NFIC: variants seen among roughly 807,000 people sequenced by gnomAD.
NFIC encodes the protein nuclear factor I C, also known as nuclear factor 1 C-type.
Under a neutral mutation model 54.4 loss-of-function variants are expected in NFIC, and 12 were observed. That is an observed-to-expected ratio of 0.22 (90% confidence interval 0.14 to 0.36). The LOEUF is 0.36. NFIC is among the 10% of genes least tolerant of loss of function. The probability of loss-of-function intolerance (pLI) is 1.00; values close to 1 mark genes in which losing one functional copy is unlikely to be tolerated. For synonymous variants in NFIC, 322 were observed against 319.2 expected (o/e 1.01, Z -0.09); for missense variants, 575 against 718.2 (o/e 0.80, Z 2.28).
chr19:3,460,209 G>A (rs866698497), intron 10 of NFIC, among the ~76,000 whole-genome samples: 1 of 152,188 alleles, frequency 6.6e-6, no homozygotes, highest in African/African-American at 2.4e-5. Context: ...GGGGCCATCC[G>A]GGGGACCTGT....
upstream of NFIC, among the ~76,000 whole-genome samples, chr19:3,362,992 G>C (rs1356615099): frequency 6.6e-6 from 1 of 151,964 alleles, no homozygotes; most frequent in Non-Finnish European, 1.5e-5. Context: ...GAAGCCATTA[G>C]TGATCATATG....
At chr19:3,435,054 C>T in intron 5 of NFIC, 29 bp from the exon 6 acceptor site, 4 of 1,552,658 alleles carry the variant, frequency 2.6e-6, no homozygotes, top group Non-Finnish European at 3.5e-6. Flanking sequence ...TCCCTGGTAA[C>T]CAGCCTCTCC....
chr19:3,433,671 C>A, intron 4 of NFIC, 79 bp downstream of exon 4: 1 of 1,463,768 alleles, frequency 6.8e-7, no homozygotes, highest in Non-Finnish European at 9.4e-7. Context: ...ACCCCCCTCA[C>A]CCTACTCCTT....
At position 3,464,617 on chromosome 19, in the gene NFIC, C is replaced by T. The variant is rs983634889; in HGVS notation, c.*1848C>T. On this transcript the variant is annotated 3_prime_UTR_variant, in exon 11 of 11. Transcript: ENST00000443272. ...CCCCCGACCCAGGCCAAAGCCAGGGCAGGTCTCCGGGTCTCACCTGCTCCT... is the reference window on the plus strand; with the variant it reads ...CCCCCGACCCAGGCCAAAGCCAGGGTAGGTCTCCGGGTCTCACCTGCTCCT... The T allele has an allele frequency of 2.1e-6, 2 of 968,630 alleles. No homozygotes were observed. The highest frequency in any genetic ancestry group is 2.4e-6 in the Non-Finnish European group (2 of 817,038). 60.0% of individuals were successfully genotyped at this position (968,630 alleles called of 1,614,324 possible).
At chr19:3,394,690 A>T (rs73522147) in intron 2 of NFIC, among the ~76,000 whole-genome samples, 5,202 of 151,670 alleles carry the variant, frequency 0.034, 292 homozygotes, top group African/African-American at 0.12. Context: ...CGTGCCTGGG[A>T]GGAACCTGGC....
chr19:3,409,118 T>C (rs1340619915), intron 2 of NFIC, among the ~76,000 whole-genome samples: 1 of 152,116 alleles, frequency 6.6e-6, no homozygotes, highest in Non-Finnish European at 1.5e-5. Context: ...GGCCTCTCAC[T>C]GCAACACACA....
At chr19:3,440,821 T>A (rs2082283152) in intron 6 of NFIC, among the ~76,000 whole-genome samples, 1 of 152,098 alleles carries the variant, frequency 6.6e-6, no homozygotes, top group Non-Finnish European at 1.5e-5. Flanking sequence ...GCGCCTGGCC[T>A]TTTTTGTTTT....
In NFIC at chr19:3,434,383, C is replaced by T; in HGVS notation, c.816C>T (p.Pro272=). 1 of 1,609,404 alleles carries T rather than the reference C, an allele frequency of 6.2e-7. No individual in the cohort carries two copies. ...GCACTGGCCTCAGAAGAACGCTGCC[C>T]AGCACCTCCTCCAGTGGGTAAGTAC... ...PASTGLRRTL[P]STSSSGSKRH... The change falls in exon 5 of 11, where the codon CCC becomes CCT. Residue 272 remains proline, a synonymous_variant. Transcript: ENST00000443272.
rs751084817 is a variant in NFIC at position 3,366,683 on chromosome 19, GC to G, written c.30+23del. The G allele has an allele frequency of 1.3e-5, 18 of 1,393,718 alleles. No homozygotes were observed. The highest frequency in any genetic ancestry group is 3.4e-5 in the South Asian group (2 of 58,500). The allele number at this position is 1,393,718 out of a possible 1,614,324, so 86.3% of individuals were successfully genotyped here. A position where few individuals can be genotyped will look rare whatever the true frequency, so the allele number is the denominator to read the frequency against. ...CTCACCCAGGTACGGTCCTCGCCCG[GC>G]CCCCCGCCGGCGCCCCCGCGCCCCC... On this transcript the variant is annotated intron_variant, in intron 1 of 10. Coordinates refer to ENST00000443272, the MANE Select transcript of NFIC (RefSeq NM_001245002.2).
rs1421160191 is a variant in NFIC at position 3,467,783 on chromosome 19, A to ATATATATATATATATATATATG, written c.*5020_*5021insTATATATATATATATGTATATA. On this transcript the variant is annotated 3_prime_UTR_variant, in exon 11 of 11. Coordinates refer to ENST00000443272, the MANE Select transcript of NFIC (RefSeq NM_001245002.2). Reference sequence around the variant, plus strand: ...CATATATATATATATATATATATATATATATAATTTTGGAATTTGTTTCTC... The same window carrying ATATATATATATATATATATATG: ...CATATATATATATATATATATATATATATATATATATATATATATATGTATATAATTTTGGAATTTGTTTCTC... 1 of 138,038 alleles carries ATATATATATATATATATATATG rather than the reference A, an allele frequency of 7.2e-6. No individual in the cohort carries two copies. The highest frequency in any genetic ancestry group is 2.8e-5 in the African/African-American group (1 of 35,424). 8.6% of individuals were successfully genotyped at this position (138,038 alleles called of 1,614,324 possible). A position where few individuals can be genotyped will look rare whatever the true frequency, so the allele number is the denominator to read the frequency against.
At chr19:3,413,121 G>T (rs941722393) in intron 2 of NFIC, among the ~76,000 whole-genome samples, 2 of 152,232 alleles carry the variant, frequency 1.3e-5, no homozygotes, top group Non-Finnish European at 1.5e-5. Flanking sequence ...GCTAATTTTT[G>T]TATTTTTAGT....
chr19:3,389,421 C>T (rs972672258), intron 2 of NFIC, among the ~76,000 whole-genome samples: 9 of 152,258 alleles, frequency 5.9e-5, no homozygotes, highest in Admixed American at 2.0e-4. Context: ...TCACTGAAAG[C>T]CTCCCGTCCT....
At chr19:3,391,532 C>T (rs1599599756) in intron 2 of NFIC, among the ~76,000 whole-genome samples, 1 of 151,786 alleles carries the variant, frequency 6.6e-6, no homozygotes, top group African/African-American at 2.4e-5. Flanking sequence ...CGCGGTGGCT[C>T]ACACCTGTAA....
At chr19:3,407,193 A>G (rs2081665656) in intron 2 of NFIC, among the ~76,000 whole-genome samples, 1 of 149,978 alleles carries the variant, frequency 6.7e-6, no homozygotes, top group Non-Finnish European at 1.5e-5. Context: ...GGCTCACTGC[A>G]AGCTCTGCCT....
At chr19:3,416,914 C>T (rs941150977) in intron 2 of NFIC, among the ~76,000 whole-genome samples, 11 of 145,272 alleles carry the variant, frequency 7.6e-5, no homozygotes, top group Non-Finnish European at 1.4e-4. Context: ...GATGGAGTCT[C>T]GCTCCGTCGC....
rs1439791578 is a variant in NFIC, at chr19:3,370,712, C to T, written c.30+4046C>T. ...TCTCTGTCTGTCTCTTTCTTTCTCC[C>T]TCCCTTCCTCTCTCTCTGTTCCTCC... On this transcript the variant is annotated intron_variant, in intron 1 of 10. Transcript: ENST00000443272. The surrounding 1 kb of genome is among the most constrained non-coding windows in gnomAD (Gnocchi z 5.2). Among the ~76,000 whole-genome samples, 1 of 151,384 alleles carries T rather than the reference C, an allele frequency of 6.6e-6. No homozygotes were observed. Among genetic ancestry groups the T allele is most frequent in the East Asian group, 1.9e-4 (1 of 5,182 alleles).
intron 1 of NFIC, among the ~76,000 whole-genome samples, chr19:3,381,020 C>T (rs1323757655): frequency 1.3e-5 from 2 of 152,020 alleles, no homozygotes; most frequent in South Asian, 2.1e-4. Flanking sequence ...TCAGTTTTAC[C>T]CGTCTGTACA....
At chr19:3,397,211 G>A (rs2081478799) in intron 2 of NFIC, among the ~76,000 whole-genome samples, 1 of 152,192 alleles carries the variant, frequency 6.6e-6, no homozygotes, top group Non-Finnish European at 1.5e-5. Context: ...CTGAGGCCTA[G>A]AGAGGCAAAG....
intron 2 of NFIC, chr19:3,410,650 G>C (rs1027685301): frequency 6.6e-6 from 1 of 152,508 alleles, no homozygotes; most frequent in East Asian, 1.9e-4. Flanking sequence ...GGAGGGCTGC[G>C]GGCAGAGGAG....
Sources: allele counts gnomAD v4.1 joint callset (sites outside exome capture counted in the v4.1 genomes callset), GRCh38; gene constraint gnomAD v4.1.1; non-coding constraint Gnocchi (gnomAD v3.1); transcripts MANE v1.5; gene names NCBI Gene and HGNC (gene_info 2026-07-23, HGNC 2026-07-21).